The following CDK15 variants were observed in gnomAD, a reference collection of about 807,000 sequenced individuals.
CDK15 encodes cyclin-dependent kinase 15.
In CDK15, 62 loss-of-function variants were observed where a neutral mutation model predicts 60.3. The observed-to-expected ratio is 1.03, with a 90% confidence interval of 0.84 to 1.27. The LOEUF (loss-of-function observed/expected upper bound fraction) is 1.27, where lower values mean the gene tolerates loss of function less well. Ranked by LOEUF, CDK15 falls within the 50% of genes most tolerant of loss-of-function variation. The probability of loss-of-function intolerance (pLI) is 0.00; values close to 1 mark genes in which losing one functional copy is unlikely to be tolerated. For missense variants in CDK15, 541 were observed against 527.8 expected (o/e 1.03, Z -0.25); for synonymous variants, 194 against 195.7 (o/e 0.99, Z 0.07).
At chr2:201,854,433 T>C (rs536592655) in intron 9 of CDK15, among the ~76,000 whole-genome samples, 3 of 152,348 alleles carry the variant, frequency 2.0e-5, no homozygotes, top group South Asian at 4.1e-4. Context: ...TGAATACCCA[T>C]GCTGAGGCAT....
chr2:201,876,025 C>A (rs934978361), intron 11 of CDK15, among the ~76,000 whole-genome samples: 1 of 152,184 alleles, frequency 6.6e-6, no homozygotes, highest in Admixed American at 6.5e-5. Context: ...CTGCAAGATA[C>A]TCCTGTCATG....
chr2:201,867,012 C>T (rs1357126048), intron 10 of CDK15, among the ~76,000 whole-genome samples: 1 of 152,124 alleles, frequency 6.6e-6, no homozygotes, highest in Non-Finnish European at 1.5e-5. Flanking sequence ...TGTTGTTATT[C>T]CTGGGGTCCT....
chr2:201,812,569 A>T lies in CDK15; in HGVS notation c.448+7A>T, dbSNP rs193602. 0.043 allele frequency: 69,374 copies of T among 1,605,104 alleles called. 2,740 individuals are homozygous for T. The highest frequency in any genetic ancestry group is 0.21 in the African/African-American group (15,431 of 74,740). On this transcript the variant is annotated splice_region_variant and intron_variant, in intron 4 of 13. Transcript: ENST00000652192. ...TTTACAGCTATCCGAGAAGGTAAGA[A>T]CAGCAGAAATGGACCCAATAGATCT... is the stretch of plus-strand genomic sequence containing the variant.
intron 1 of CDK15, 41 bp from the exon 2 acceptor site, chr2:201,807,453 C>T (rs1300638923): frequency 6.3e-7 from 1 of 1,593,156 alleles, no homozygotes; most frequent in South Asian, 1.1e-5. Context: ...TGAATCTTTA[C>T]TTTGCATAAA....
At chr2:201,823,063 A>G (rs1696304499) in intron 5 of CDK15, among the ~76,000 whole-genome samples, 160 bp downstream of exon 5, 1 of 152,192 alleles carries the variant, frequency 6.6e-6, no homozygotes, top group South Asian at 2.1e-4. Context: ...TTGTTCCCAC[A>G]TCCATCTTTG....
At chr2:201,869,102 C>T (rs915313067) in intron 10 of CDK15, among the ~76,000 whole-genome samples, 2 of 152,102 alleles carry the variant, frequency 1.3e-5, no homozygotes, top group African/African-American at 2.4e-5. Flanking sequence ...TGACACTATT[C>T]ACAATAGCAA....
intron 7 of CDK15, among the ~76,000 whole-genome samples, chr2:201,834,529 C>T (rs1297253888): frequency 6.6e-6 from 1 of 152,218 alleles, no homozygotes; most frequent in East Asian, 1.9e-4. Context: ...TATTCACACA[C>T]ATAAATACAT....
intron 10 of CDK15, chr2:201,861,517 A>C (rs867931079): frequency 1.0e-6 from 1 of 983,792 alleles, no homozygotes; most frequent in African/African-American, 1.8e-5. Context: ...TAGGTACTCA[A>C]TAAAAGTTCC....
chr2:201,874,893 C>A (rs1251449810), intron 11 of CDK15, among the ~76,000 whole-genome samples: 1 of 152,184 alleles, frequency 6.6e-6, no homozygotes, highest in African/African-American at 2.4e-5. Flanking sequence ...TGTTCCTCTT[C>A]CTGTAGGTCT....
intron 1 of CDK15, 110 bp downstream of exon 1, chr2:201,806,897 A>C: frequency 8.1e-7 from 1 of 1,227,152 alleles, no homozygotes; most frequent in Non-Finnish European, 1.1e-6. Flanking sequence ...TAAACCAATA[A>C]AATGAAAATT....
At chr2:201,893,274 TTG>T (rs1300590024) in intron 13 of CDK15, 25 bp from the exon 14 acceptor site, 2 of 152,340 alleles carry the variant, frequency 1.3e-5, no homozygotes, top group African/African-American at 2.4e-5. Flanking sequence ...ATTATTTTGA[TTG>T]TGTTTATTTT....
intron 10 of CDK15, among the ~76,000 whole-genome samples, chr2:201,861,955 C>A: frequency 6.6e-6 from 1 of 152,174 alleles, no homozygotes; most frequent in African/African-American, 2.4e-5. Context: ...ATCTCTGCTC[C>A]CTTAGAAATA....
At chr2:201,835,896 T>A in intron 8 of CDK15, 133 bp downstream of exon 8, 4 of 220,086 alleles carry the variant, frequency 1.8e-5, no homozygotes, top group African/African-American at 2.5e-5. Context: ...ATTTATATAT[T>A]TTATATATAT....
intron 6 of CDK15, among the ~76,000 whole-genome samples, chr2:201,828,393 G>A (rs1277180535): frequency 6.6e-6 from 1 of 152,036 alleles, no homozygotes; most frequent in East Asian, 1.9e-4. Context: ...AGAGGAACAG[G>A]AAATGAAGGA....
intron 11 of CDK15, among the ~76,000 whole-genome samples, chr2:201,873,780 C>T (rs748873454): frequency 3.3e-5 from 5 of 152,334 alleles, no homozygotes; most frequent in South Asian, 2.1e-4. Flanking sequence ...AGGCTGGGCC[C>T]GGTGGCTTAC....
chr2:201,873,376 T>G (rs1249277653), intron 11 of CDK15, among the ~76,000 whole-genome samples: 1 of 152,202 alleles, frequency 6.6e-6, no homozygotes. Context: ...GTTTATCACT[T>G]CATTCAAGAC....
chr2:201,857,067 C>CA (rs1004598809), intron 10 of CDK15, among the ~76,000 whole-genome samples: 3 of 74,574 alleles, frequency 4.0e-5, no homozygotes, highest in Non-Finnish European at 7.1e-5. Flanking sequence ...ACTAAAAATA[C>CA]AAAAAAAAAT....
intron 8 of CDK15, among the ~76,000 whole-genome samples, chr2:201,837,504 AAG>A: frequency 6.8e-6 from 1 of 146,932 alleles, no homozygotes; most frequent in Non-Finnish European, 1.5e-5. Context: ...GGAAGGAAGG[AAG>A]GAAGGAAAGA....
intron 3 of CDK15, among the ~76,000 whole-genome samples, chr2:201,809,528 TAATC>T (rs147993671): frequency 0.077 from 11,797 of 152,260 alleles, 782 homozygotes; most frequent in African/African-American, 0.18. Flanking sequence ...CATGTTTCCT[TAATC>T]TATCTTTTCT....
Sources: allele counts gnomAD v4.1 joint callset (sites outside exome capture counted in the v4.1 genomes callset), GRCh38; gene constraint gnomAD v4.1.1; transcripts MANE v1.5; gene names NCBI Gene and HGNC (gene_info 2026-07-23, HGNC 2026-07-21).